SEMA6D: variants seen among roughly 807,000 people sequenced by gnomAD.
The protein encoded by SEMA6D is semaphorin-6D.
A neutral mutation model predicts 106.6 loss-of-function variants in SEMA6D; 35 were observed. That is an observed-to-expected ratio of 0.33 (90% CI 0.25 to 0.44). SEMA6D has a LOEUF of 0.44. Ranked by LOEUF, SEMA6D falls within the 20% of genes least tolerant of loss-of-function variation. SEMA6D has a pLI of 1.00. For missense variants in SEMA6D, 1,185 were observed against 1,345.9 expected (o/e 0.88, Z 1.87); for synonymous variants, 499 against 487.7 (o/e 1.02, Z -0.31).
intron 1 of SEMA6D, chr15:47,730,222 G>A (rs989913695): frequency 5.9e-6 from 9 of 1,535,106 alleles, no homozygotes; most frequent in South Asian, 5.6e-5. Context: ...GATCCAGGAC[G>A]TTGCCGCCCC....
chr15:47,466,928 C>T (rs571456286), intron 2 of SEMA6D, among the ~76,000 whole-genome samples: 238 of 151,020 alleles, frequency 1.6e-3, no homozygotes, highest in African/African-American at 5.6e-3. Flanking sequence ...GAGGTTTCAC[C>T]ATGTTGGCCA....
chr15:47,735,728 T>G (rs1339234635), intron 1 of SEMA6D, among the ~76,000 whole-genome samples: 1 of 152,180 alleles, frequency 6.6e-6, no homozygotes, highest in Non-Finnish European at 1.5e-5. Context: ...ATCATTAAGT[T>G]GGTCTCTCCA....
chr15:47,569,053 C>T (rs1357095949), intron 3 of SEMA6D, among the ~76,000 whole-genome samples: 1 of 152,088 alleles, frequency 6.6e-6, no homozygotes, highest in Non-Finnish European at 1.5e-5. Flanking sequence ...GACAGGGCTT[C>T]AGGCTTTAGA....
intron 3 of SEMA6D, among the ~76,000 whole-genome samples, chr15:47,560,433 G>T (rs1386347726): frequency 6.6e-6 from 1 of 151,766 alleles, no homozygotes. Flanking sequence ...AAGTAAAAAA[G>T]AAAATAATAA....
At chr15:47,271,178 C>T (rs969543126) in intron 1 of SEMA6D, among the ~76,000 whole-genome samples, 21 of 152,032 alleles carry the variant, frequency 1.4e-4, no homozygotes, top group African/African-American at 4.6e-4. Flanking sequence ...TTGTGAAAGA[C>T]AAAAAATGCA....
At chr15:47,374,118 A>G (rs146626150) in intron 1 of SEMA6D, among the ~76,000 whole-genome samples, 269 of 152,324 alleles carry the variant, frequency 1.8e-3, no homozygotes, top group African/African-American at 6.0e-3. Flanking sequence ...GGAGCTCCCA[A>G]CTTATTCACC....
intron 3 of SEMA6D, among the ~76,000 whole-genome samples, chr15:47,488,724 C>T (rs1456747379): frequency 1.3e-5 from 2 of 152,058 alleles, no homozygotes; most frequent in African/African-American, 4.8e-5. Context: ...TGCAAAGACA[C>T]TGAGTGTGAA....
At chr15:47,195,879 T>C (rs1425498013) in intron 1 of SEMA6D, among the ~76,000 whole-genome samples, 3 of 152,090 alleles carry the variant, frequency 2.0e-5, no homozygotes, top group Non-Finnish European at 4.4e-5. Context: ...GAGGAAAGGC[T>C]CACCTACAGA....
chr15:47,752,561 T>C (rs1293480607), intron 1 of SEMA6D, among the ~76,000 whole-genome samples: 1 of 152,108 alleles, frequency 6.6e-6, no homozygotes, highest in Non-Finnish European at 1.5e-5. Context: ...TTTCCTTTTG[T>C]GTGTGTGATG....
At chr15:47,600,107 T>A (rs576874385) in intron 3 of SEMA6D, among the ~76,000 whole-genome samples, 1 of 152,166 alleles carries the variant, frequency 6.6e-6, no homozygotes, top group South Asian at 2.1e-4. Context: ...AGTTGAAACA[T>A]GTGCATATTT....
chr15:47,723,297 A>G (rs540569780), intron 1 of SEMA6D, among the ~76,000 whole-genome samples: 14 of 152,292 alleles, frequency 9.2e-5, no homozygotes, highest in Admixed American at 8.5e-4. Context: ...CTAGAACGGT[A>G]TCTTCTCCCA....
rs1385899641 is a variant in SEMA6D at position 47,760,412 on chromosome 15, G to A, written c.218G>A (p.Gly73Asp). Residue 73 changes from glycine (G) to aspartate (D), a missense_variant, in exon 3 of 19, where the codon GGC (glycine) becomes GAC (aspartate). By Grantham distance (94) the Gly-to-Asp change is moderately conservative. This residue lies in a region of SEMA6D where 144 missense variants were observed against 138.6 expected (regional missense o/e 1.04). Coordinates refer to ENST00000536845, the MANE Select transcript of SEMA6D (RefSeq NM_001358351.3). ...ATTCGAGACACACTTTATATTGCTG[G>A]CAGGTAATTTTCCTCTCATTGGTTT... ...LKIRDTLYIA[G>D]RDQVYTVNLN... 1.2e-6 allele frequency: 2 copies of A among 1,611,086 alleles called. No homozygotes were observed. Among genetic ancestry groups the A allele is most frequent in the Non-Finnish European group, 1.7e-6 (2 of 1,177,718 alleles).
At chr15:47,650,238 A>G (rs1335659772) in intron 4 of SEMA6D, among the ~76,000 whole-genome samples, 1 of 152,212 alleles carries the variant, frequency 6.6e-6, no homozygotes, top group Non-Finnish European at 1.5e-5. Context: ...AACCTAGTCC[A>G]TAAAAGCTGG....
intron 1 of SEMA6D, among the ~76,000 whole-genome samples, chr15:47,186,079 A>G (rs1893550726): frequency 6.6e-6 from 1 of 152,134 alleles, no homozygotes; most frequent in African/African-American, 2.4e-5. Flanking sequence ...GTGCATGTAT[A>G]TATATGTGTG....
chr15:47,673,358 A>T (rs1187503997), intron 4 of SEMA6D, among the ~76,000 whole-genome samples: 3 of 152,084 alleles, frequency 2.0e-5, no homozygotes, highest in African/African-American at 7.3e-5. Context: ...TCTCTTCACA[A>T]ACCTCAGCTG....
chr15:47,509,806 A>G (rs1235584945), intron 3 of SEMA6D, among the ~76,000 whole-genome samples: 1 of 152,202 alleles, frequency 6.6e-6, no homozygotes, highest in Non-Finnish European at 1.5e-5. Context: ...GGAACTAGTG[A>G]GGAATGCAAA....
chr15:47,345,948 A>G, intron 1 of SEMA6D, among the ~76,000 whole-genome samples: 1 of 152,178 alleles, frequency 6.6e-6, no homozygotes, highest in Admixed American at 6.5e-5. Flanking sequence ...ATTAGGCTAT[A>G]CCTTTTAAAT....
intron 1 of SEMA6D, among the ~76,000 whole-genome samples, chr15:47,344,181 TC>T (rs1242184057): frequency 9.1e-6 from 1 of 110,060 alleles, no homozygotes; most frequent in Admixed American, 8.5e-5. Context: ...TGGCGATTCC[TC>T]ACTTGGATTT....
chr15:47,693,685 A>T (rs1193414554), intron 4 of SEMA6D, among the ~76,000 whole-genome samples: 1 of 152,094 alleles, frequency 6.6e-6, no homozygotes, highest in Non-Finnish European at 1.5e-5. Flanking sequence ...TTGTAATCCC[A>T]ACACTTCGGG....
Sources: allele counts gnomAD v4.1 joint callset (sites outside exome capture counted in the v4.1 genomes callset), GRCh38; gene constraint gnomAD v4.1.1; regional missense constraint gnomAD v4.1.1; transcripts MANE v1.5; gene names NCBI Gene and HGNC (gene_info 2026-07-23, HGNC 2026-07-21).